TRAFD1: variants seen among roughly 807,000 people sequenced by gnomAD.
The protein encoded by TRAFD1 is TRAF-type zinc finger domain containing 1.
TRAFD1 carries 38 observed loss-of-function variants against 65.3 expected under a neutral mutation model. The ratio of observed to expected loss-of-function variants is 0.58; its 90% confidence interval spans 0.45 to 0.76. The LOEUF (loss-of-function observed/expected upper bound fraction) is 0.76, where lower values mean the gene tolerates loss of function less well. Among genes scored for constraint, TRAFD1 ranks in the 30% least tolerant of loss-of-function variants. The probability of loss-of-function intolerance (pLI) is 0.00; values close to 1 mark genes in which losing one functional copy is unlikely to be tolerated. For synonymous variants in TRAFD1, 223 were observed against 257.2 expected, an observed-to-expected ratio of 0.87 and a Z score of 1.27; for missense variants, 631 against 712.6, an observed-to-expected ratio of 0.89 and a Z score of 1.30.
At chr12:112,135,961 G>A (rs1478701232) in intron 4 of TRAFD1, among the ~76,000 whole-genome samples, 2 of 151,342 alleles carry the variant, frequency 1.3e-5, no homozygotes, top group African/African-American at 4.9e-5. Context: ...GGCCAACATG[G>A]TGAAACCCTG....
chr12:112,150,002 T>C (rs779123594), intron 9 of TRAFD1, 131 bp downstream of exon 9: 135 of 1,302,200 alleles, frequency 1.0e-4, no homozygotes, highest in African/African-American at 6.5e-4. Flanking sequence ...TAGGGTCTCA[T>C]AGGGGACTCC....
Position 112,153,288 on chromosome 12 carries a change from A to C in TRAFD1, c.*497A>C, listed in dbSNP as rs1201674354. 6.5e-6 allele frequency: 1 copy of C among 154,140 alleles called. No individual in the cohort carries two copies. The highest frequency in any genetic ancestry group is 6.5e-5 in the Admixed American group (1 of 15,372). 9.5% of individuals were successfully genotyped at this position (154,140 alleles called of 1,614,324 possible). ...CTGGTAAGGTGCTCAGGCCAGTTGC[A>C]ATGTCTGTCAGTAACGAGGCTTTTG... is the stretch of plus-strand genomic sequence containing the variant. On this transcript the variant is annotated 3_prime_UTR_variant, in exon 12 of 12. Transcript: ENST00000412615.
At chr12:112,140,058 A>G (rs1475360491) in intron 4 of TRAFD1, 2 of 246,900 alleles carry the variant, frequency 8.1e-6, no homozygotes, top group Non-Finnish European at 1.7e-5. Flanking sequence ...GCTAAATACA[A>G]ATATGAAGGT....
intron 1 of TRAFD1, among the ~76,000 whole-genome samples, chr12:112,129,621 G>A (rs376192412): frequency 2.0e-5 from 3 of 152,130 alleles, no homozygotes; most frequent in South Asian, 4.1e-4. Context: ...GATGAAGTCT[G>A]TAAGGGATGT....
chr12:112,128,047 A>C (rs966587022), intron 1 of TRAFD1, among the ~76,000 whole-genome samples: 8 of 150,262 alleles, frequency 5.3e-5, no homozygotes, highest in Non-Finnish European at 1.0e-4. Flanking sequence ...TTTGAGACAG[A>C]GGCTCACTCT....
At position 112,135,008 on chromosome 12, in the gene TRAFD1, T is replaced by C; in HGVS notation, c.184-5T>C. On this transcript the variant is annotated splice_region_variant and splice_polypyrimidine_tract_variant and intron_variant, in intron 3 of 11. Coordinates refer to ENST00000412615, the MANE Select transcript of TRAFD1 (RefSeq NM_006700.3). ...CAATTTACTGATTCTCACTTCTTAC[T>C]CTAGGTGACCTGCAAATGTAACAAG... 1.2e-6 allele frequency: 2 copies of C among 1,614,242 alleles called. No individual in the cohort carries two copies. Among genetic ancestry groups the C allele is most frequent in the Non-Finnish European group, 1.7e-6 (2 of 1,180,042 alleles).
rs1418127392 is a variant in TRAFD1, at chr12:112,149,664, A to AG, written c.1159-85dup. 1.9e-6 allele frequency: 3 copies of AG among 1,551,308 alleles called. No homozygotes were observed. The African/African-American group carries it at 4.1e-5, about 21-fold the overall frequency. Reference sequence around the variant, plus strand: ...GGTTGTCAAAGTCCCCCTCCAGATGAGGAATACACTGCTGTTCCTCCCATC... The same window carrying AG: ...GGTTGTCAAAGTCCCCCTCCAGATGAGGGAATACACTGCTGTTCCTCCCATC... On this transcript the variant is annotated intron_variant, in intron 8 of 11. Transcript: ENST00000412615.
rs1371574064 is a variant in TRAFD1 at position 112,152,546 on chromosome 12, G to C, written c.1692+47G>C. On this transcript the variant is annotated intron_variant, in intron 11 of 11. Coordinates refer to ENST00000412615, the MANE Select transcript of TRAFD1 (RefSeq NM_006700.3). The surrounding 1 kb of genome is among the most constrained non-coding windows in gnomAD (Gnocchi z 5.0). ...GATGCTCAGTGGGGGACTCAGACAT[G>C]GTGGGGCTTGTGTGGCTCCTGAAGT... The C allele has an allele frequency of 6.2e-7, 1 of 1,610,748 alleles. No individual in the cohort carries two copies. Among genetic ancestry groups the C allele is most frequent in the Non-Finnish European group, 8.5e-7 (1 of 1,177,368 alleles).
rs2030107867 is a variant in TRAFD1, at chr12:112,142,167, A to C, written c.722A>C (p.Asp241Ala). ...KEGGEESANLDFMLALSLQNE... is the reference protein window; with the variant it reads ...KEGGEESANLAFMLALSLQNE... ...GGTGGTGAAGAGAGTGCAAACTTGG[A>C]CTTCATGTTGGCCCTAAGTCTGCAA... is the stretch of plus-strand genomic sequence containing the variant. The change falls in exon 6 of 12, where the codon GAC becomes GCC. Residue 241 changes from aspartate (D) to alanine (A), a missense_variant. Asp to Ala is a moderately radical substitution (Grantham distance 126). Coordinates refer to ENST00000412615, the MANE Select transcript of TRAFD1 (RefSeq NM_006700.3). 1 of 1,613,906 alleles carries C rather than the reference A, an allele frequency of 6.2e-7. No homozygotes were observed. Among genetic ancestry groups the C allele is most frequent in the Non-Finnish European group, 8.5e-7 (1 of 1,179,960 alleles).
chr12:112,142,245 G>T lies in TRAFD1; in HGVS notation c.800G>T (p.Cys267Phe), dbSNP rs560633197. 3.7e-6 allele frequency: 6 copies of T among 1,613,826 alleles called. No homozygotes were observed. Among genetic ancestry groups the T allele is most frequent in the African/African-American group, 1.3e-5 (1 of 74,900 alleles). The change falls in exon 6 of 12, where the codon TGT (cysteine) becomes TTT (phenylalanine). Residue 267 changes from cysteine (C) to phenylalanine (F), a missense_variant. Coordinates refer to ENST00000412615, the MANE Select transcript of TRAFD1 (RefSeq NM_006700.3). ...VAEQDFWRAV[C>F]EADQSHGGPR... ...GAGCAGGACTTCTGGAGGGCCGTAT[G>T]TGAGGCCGACCAGTCTCATGGCGGT...
intron 5 of TRAFD1, 37 bp from the exon 6 acceptor site, chr12:112,142,052 A>C (rs376142997): frequency 6.2e-7 from 1 of 1,603,082 alleles, no homozygotes; most frequent in Non-Finnish European, 8.5e-7. Context: ...TAACATTTCT[A>C]ATGTATCCTG....
chr12:112,137,602 A>C lies in TRAFD1; in HGVS notation c.237+2536A>C, dbSNP rs1566048478. Among the ~76,000 whole-genome samples, 1 of 152,078 alleles carries C rather than the reference A, an allele frequency of 6.6e-6. No individual in the cohort carries two copies. The highest frequency in any genetic ancestry group is 1.5e-5 in the Non-Finnish European group (1 of 68,018). On this transcript the variant is annotated intron_variant, in intron 4 of 11. Coordinates refer to ENST00000412615, the MANE Select transcript of TRAFD1 (RefSeq NM_006700.3). This position sits in a 1 kb window ranked among gnomAD's most constrained non-coding sequence, Gnocchi z 4.2. ...ACGGTGAAACCCCGTCTCTACTAAA[A>C]ATACATAAAATTAGCTGGGCGTGGT... is the stretch of plus-strand genomic sequence containing the variant.
intron 6 of TRAFD1, among the ~76,000 whole-genome samples, chr12:112,145,120 C>T (rs1004211516): frequency 6.6e-6 from 1 of 152,058 alleles, no homozygotes; most frequent in African/African-American, 2.4e-5. Context: ...TAAAATGTAT[C>T]GATTTGTTCA....
At chr12:112,131,700 A>G (rs1299202671) in intron 2 of TRAFD1, among the ~76,000 whole-genome samples, 1 of 152,224 alleles carries the variant, frequency 6.6e-6, no homozygotes, top group Non-Finnish European at 1.5e-5. Context: ...CTCACTTAAA[A>G]CATCTTCATT....
chr12:112,151,416 A>G (rs2030402068), intron 9 of TRAFD1, among the ~76,000 whole-genome samples: 1 of 149,204 alleles, frequency 6.7e-6, no homozygotes, highest in Non-Finnish European at 1.5e-5. Context: ...TTTGAGACAC[A>G]GTCTTGCTCT....
At chr12:112,140,579 ATAGT>A (rs1237600863) in intron 4 of TRAFD1, among the ~76,000 whole-genome samples, 6 of 152,056 alleles carry the variant, frequency 3.9e-5, no homozygotes, top group Non-Finnish European at 7.4e-5. Context: ...AAACAATATG[ATAGT>A]TAGGGTGGCT....
Position 112,143,729 on chromosome 12 carries a change from GT to G in TRAFD1, c.850+1455del, listed in dbSNP as rs869247106. Among the ~76,000 whole-genome samples, 4,790 of 121,760 alleles carry G rather than the reference GT, an allele frequency of 0.039. 290 individuals carry two copies. The East Asian group carries it at 0.45, about 11-fold the overall frequency. The allele number at this position is 121,760 out of a possible 152,430, so 79.9% of individuals were successfully genotyped here. ...TAGTCATATTACAGTTCCCGCTTTGGTTTTTTTTTTTTTTTTTTTTTGAGGC... is the reference window on the plus strand; with the variant it reads ...TAGTCATATTACAGTTCCCGCTTTGGTTTTTTTTTTTTTTTTTTTTGAGGC... On this transcript the variant is annotated intron_variant, in intron 6 of 11. Coordinates refer to ENST00000412615, the MANE Select transcript of TRAFD1 (RefSeq NM_006700.3).
chr12:112,127,667 TG>T (rs199690028), intron 1 of TRAFD1, among the ~76,000 whole-genome samples: 2,276 of 151,226 alleles, frequency 0.015, 67 homozygotes, highest in African/African-American at 0.052. Flanking sequence ...TTTGCTTTTT[TG>T]TTTTTTGTTT....
chr12:112,143,102 CAG>C (rs1269257240), intron 6 of TRAFD1, among the ~76,000 whole-genome samples: 1 of 146,054 alleles, frequency 6.8e-6, no homozygotes, highest in African/African-American at 2.5e-5. Flanking sequence ...TTTTTTGAGA[CAG>C]AGTCTTCCTC....
Sources: gnomAD v4.1 joint callset for allele counts (sites outside exome capture counted in the v4.1 genomes callset) on GRCh38, gnomAD v4.1.1 for gene constraint, Gnocchi (gnomAD v3.1) non-coding constraint, MANE v1.5 for transcripts, NCBI Gene and HGNC (gene_info 2026-07-23, HGNC 2026-07-21) for gene names.